Variants in JMJD1C observed in about 807,000 individuals in gnomAD.
The protein encoded by JMJD1C is jumonji domain containing 1C.
In JMJD1C, 31 loss-of-function variants were observed where a neutral mutation model predicts 245.3. The ratio of observed to expected loss-of-function variants is 0.13; its 90% CI spans 0.09 to 0.17. The LOEUF (loss-of-function observed/expected upper bound fraction) is 0.17. JMJD1C is among the 10% of genes least tolerant of loss of function. The pLI, the probability that JMJD1C is intolerant of heterozygous loss-of-function variation, is 1.00. For missense variants in JMJD1C, 2,691 were observed against 3,000.2 expected (o/e 0.90, Z 2.41); for synonymous variants, 1,057 against 1,017.4 (o/e 1.04, Z -0.74).
Position 63,217,260 on chromosome 10 carries a change from T to C in JMJD1C, c.625A>G (p.Ile209Val), listed in dbSNP as rs757719716. The change falls in exon 5 of 26, where the codon ATA becomes GTA. Residue 209 changes from isoleucine (I) to valine (V), a missense_variant. Coordinates refer to ENST00000399262, the MANE Select transcript of JMJD1C (RefSeq NM_032776.3). ...QDSATQWFTG[I>V]ITHHDLFTRT... ...GTGAAGAGATCATGATGAGTAATTA[T>C]GCCAGTAAACCACTGGGTGGCAGAG... 6.2e-7 allele frequency: 1 copy of C among 1,612,268 alleles called. No individual in the cohort carries two copies. The highest frequency in any genetic ancestry group is 8.5e-7 in the Non-Finnish European group (1 of 1,178,708).
At chr10:63,203,871 GA>G (rs1846303005) in intron 10 of JMJD1C, 1 of 981,806 alleles carries the variant, frequency 1.0e-6, no homozygotes, top group African/African-American at 1.8e-5. Flanking sequence ...CTTTTTGATT[GA>G]CCATGACTGA....
At chr10:63,208,836 CT>C (rs751947874) in intron 9 of JMJD1C, 35 bp from the exon 10 acceptor site, 7 of 1,494,440 alleles carry the variant, frequency 4.7e-6, no homozygotes, top group Non-Finnish European at 6.3e-6. Flanking sequence ...TCTGTAACCA[CT>C]TTTTCCTGCA....
At chr10:63,481,754 G>T (rs1334320631) in intron 1 of JMJD1C, among the ~76,000 whole-genome samples, 1 of 152,086 alleles carries the variant, frequency 6.6e-6, no homozygotes, top group Non-Finnish European at 1.5e-5. Context: ...GTAAAAATCA[G>T]GAGAGAAAAC....
At chr10:63,277,096 T>C (rs1856859548) in intron 2 of JMJD1C, among the ~76,000 whole-genome samples, 1 of 151,792 alleles carries the variant, frequency 6.6e-6, no homozygotes, top group Non-Finnish European at 1.5e-5. Flanking sequence ...TTAGCCAGGA[T>C]GGTCTCGATC....
At chr10:63,432,048 T>C (rs1408547325) in intron 1 of JMJD1C, among the ~76,000 whole-genome samples, 2 of 152,136 alleles carry the variant, frequency 1.3e-5, no homozygotes, top group Non-Finnish European at 2.9e-5. Context: ...TTTGTAACTG[T>C]TGCGCCTTGA....
chr10:63,287,670 T>C (rs1858153457), intron 2 of JMJD1C, among the ~76,000 whole-genome samples: 1 of 152,220 alleles, frequency 6.6e-6, no homozygotes, highest in African/African-American at 2.4e-5. Context: ...AGAAAGCATT[T>C]AAGGAGTCTT....
intron 1 of JMJD1C, among the ~76,000 whole-genome samples, chr10:63,479,697 G>C (rs768247251): frequency 1.2e-4 from 18 of 152,160 alleles, no homozygotes; most frequent in Admixed American, 3.9e-4. Flanking sequence ...GTAAGATCTA[G>C]ATCTAGAGAC....
intron 1 of JMJD1C, chr10:63,521,447 C>G: frequency 1.5e-6 from 1 of 655,400 alleles, no homozygotes; most frequent in South Asian, 5.7e-5. Flanking sequence ...CCCCGGGGAG[C>G]GCGAGGAGCC....
chr10:63,427,300 G>GT, intron 1 of JMJD1C: 1 of 837,688 alleles, frequency 1.2e-6, no homozygotes, highest in Admixed American at 2.4e-5. Flanking sequence ...CGGGACGATG[G>GT]TGAAGTATTT....
At chr10:63,499,739 TA>T (rs1408744774) in intron 1 of JMJD1C, among the ~76,000 whole-genome samples, 5 of 152,230 alleles carry the variant, frequency 3.3e-5, no homozygotes, top group Non-Finnish European at 7.3e-5. Context: ...CCCTGTTCAT[TA>T]AGGATTTATA....
chr10:63,353,550 C>G (rs1223268626), intron 2 of JMJD1C, among the ~76,000 whole-genome samples: 1 of 152,160 alleles, frequency 6.6e-6, no homozygotes, highest in Non-Finnish European at 1.5e-5. Context: ...CAGTCTCACT[C>G]TATCACCCAG....
At chr10:63,385,416 CTTTTTTTTTT>C (rs35450282) in intron 1 of JMJD1C, among the ~76,000 whole-genome samples, 3 of 53,786 alleles carry the variant, frequency 5.6e-5, no homozygotes, top group South Asian at 1.2e-3. Flanking sequence ...CTGCCCCCGC[CTTTTTTTTTT>C]TTTTTTTTTT....
chr10:63,212,457 G>A (rs1043177773), intron 8 of JMJD1C, among the ~76,000 whole-genome samples: 13 of 152,046 alleles, frequency 8.6e-5, no homozygotes, highest in African/African-American at 2.2e-4. Flanking sequence ...TTTTTATACC[G>A]GGGCTAGTAT....
intron 3 of JMJD1C, among the ~76,000 whole-genome samples, chr10:63,225,572 T>C (rs1849163771): frequency 6.6e-6 from 1 of 151,818 alleles, no homozygotes; most frequent in Non-Finnish European, 1.5e-5. Flanking sequence ...TCACCTGAGA[T>C]TAGGGGTTCG....
At chr10:63,379,829 T>C (rs12240535) in intron 2 of JMJD1C, among the ~76,000 whole-genome samples, 21,494 of 152,188 alleles carry the variant, frequency 0.14, 3,486 homozygotes, top group African/African-American at 0.4. Context: ...ATGAAGGCAG[T>C]GTTTTAAAAT....
intron 3 of JMJD1C, among the ~76,000 whole-genome samples, chr10:63,261,926 T>C (rs1025613595): frequency 3.3e-5 from 5 of 152,204 alleles, no homozygotes; most frequent in African/African-American, 1.2e-4. Flanking sequence ...AAAACTTACA[T>C]GTACCTACCA....
At chr10:63,448,080 C>T (rs1044435370) in intron 1 of JMJD1C, among the ~76,000 whole-genome samples, 2 of 152,074 alleles carry the variant, frequency 1.3e-5, no homozygotes, top group African/African-American at 4.8e-5. Context: ...ATACCTAAAG[C>T]GCCTATCCTC....
At chr10:63,409,648 T>C (rs1374551327) in intron 1 of JMJD1C, among the ~76,000 whole-genome samples, 2 of 152,212 alleles carry the variant, frequency 1.3e-5, no homozygotes, top group Non-Finnish European at 2.9e-5. Context: ...AGATTGTAAA[T>C]GACATTATCA....
At chr10:63,261,350 C>T (rs576276060) in intron 3 of JMJD1C, among the ~76,000 whole-genome samples, 1 of 152,158 alleles carries the variant, frequency 6.6e-6, no homozygotes, top group Non-Finnish European at 1.5e-5. Context: ...GAGGCCAAGG[C>T]GGGGTGGATC....
Sources: gnomAD v4.1 joint callset for allele counts (sites outside exome capture counted in the v4.1 genomes callset) on GRCh38, gnomAD v4.1.1 for gene constraint, MANE v1.5 for transcripts, NCBI Gene and HGNC (gene_info 2026-07-23, HGNC 2026-07-21) for gene names.